HSD17B2: variants seen among roughly 807,000 people sequenced by gnomAD.
HSD17B2 encodes 17-beta-hydroxysteroid dehydrogenase type 2.
Under a neutral mutation model 26.9 loss-of-function variants are expected in HSD17B2, and 32 were observed. The observed-to-expected ratio is 1.19, with a 90% CI of 0.90 to 1.60. HSD17B2 has a LOEUF of 1.60. Ranked by LOEUF, HSD17B2 falls within the 40% of genes most tolerant of loss-of-function variation. The pLI is 0.00. For missense variants in HSD17B2, 613 were observed against 468.6 expected (o/e 1.31, Z -2.85); for synonymous variants, 246 against 186.7 (o/e 1.32, Z -2.59).
intron 3 of HSD17B2, among the ~76,000 whole-genome samples, chr16:82,086,700 A>G (rs1904536786): frequency 6.6e-6 from 1 of 152,224 alleles, no homozygotes; most frequent in Non-Finnish European, 1.5e-5. Flanking sequence ...TCTGTACATT[A>G]TTGATTAAGG....
chr16:82,073,755 T>C (rs1914750853), intron 3 of HSD17B2, among the ~76,000 whole-genome samples: 1 of 152,136 alleles, frequency 6.6e-6, no homozygotes, highest in African/African-American at 2.4e-5. Context: ...AGAATCAATA[T>C]AGTTAAAATG....
intron 3 of HSD17B2, among the ~76,000 whole-genome samples, chr16:82,073,300 C>G (rs1339182218): frequency 1.3e-5 from 2 of 151,902 alleles, no homozygotes; most frequent in African/African-American, 4.8e-5. Context: ...TCTCGGCTCA[C>G]TGCAAGCTCC....
chr16:82,036,593 G>C (rs1019596378), intron 1 of HSD17B2, among the ~76,000 whole-genome samples: 1 of 152,118 alleles, frequency 6.6e-6, no homozygotes, highest in South Asian at 2.1e-4. Flanking sequence ...TGGGGATGTG[G>C]TTGGGAGAAA....
intron 1 of HSD17B2, among the ~76,000 whole-genome samples, chr16:82,057,818 G>A (rs191784022): frequency 1.3e-5 from 2 of 152,238 alleles, no homozygotes; most frequent in Non-Finnish European, 2.9e-5. Context: ...TGAGCACTCC[G>A]TCAAACTATC....
chr16:82,043,914 C>T (rs920497981), intron 1 of HSD17B2, among the ~76,000 whole-genome samples: 1 of 152,064 alleles, frequency 6.6e-6, no homozygotes, highest in Non-Finnish European at 1.5e-5. Context: ...ACTATTCTTC[C>T]CTTGAAGTTA....
intron 1 of HSD17B2, among the ~76,000 whole-genome samples, chr16:82,055,828 G>A (rs558900865): frequency 1.4e-4 from 22 of 152,308 alleles, no homozygotes; most frequent in African/African-American, 5.3e-4. Context: ...ACAATGCTCT[G>A]GTGTGAGTGA....
intron 3 of HSD17B2, among the ~76,000 whole-genome samples, chr16:82,090,629 T>C (rs116384497): frequency 4.2e-4 from 64 of 152,178 alleles, no homozygotes; most frequent in African/African-American, 1.5e-3. Flanking sequence ...CTAAATTACA[T>C]TTTGCTTAGG....
chr16:82,075,585 T>C (rs1157688954), intron 3 of HSD17B2, among the ~76,000 whole-genome samples: 6 of 151,926 alleles, frequency 3.9e-5, no homozygotes, highest in Non-Finnish European at 8.8e-5. Flanking sequence ...CTACTATGAG[T>C]AACTAAGTAT....
chr16:82,059,239 C>T (rs1914363167), intron 1 of HSD17B2, among the ~76,000 whole-genome samples: 1 of 152,200 alleles, frequency 6.6e-6, no homozygotes, highest in African/African-American at 2.4e-5. Flanking sequence ...GTTTCTCAGC[C>T]TTGGCACTGT....
chr16:82,051,341 C>T (rs1434906956), intron 1 of HSD17B2, among the ~76,000 whole-genome samples: 6 of 152,322 alleles, frequency 3.9e-5, no homozygotes, highest in East Asian at 3.8e-4. Context: ...AGTGCCTTCC[C>T]GCCAGGGTTA....
intron 3 of HSD17B2, among the ~76,000 whole-genome samples, chr16:82,083,339 G>C (rs192629208): frequency 1.3e-5 from 2 of 152,072 alleles, no homozygotes; most frequent in Admixed American, 6.6e-5. Flanking sequence ...ACATCATGTA[G>C]GAATACAGGT....
At chr16:82,070,553 G>C (rs960672807) in intron 2 of HSD17B2, among the ~76,000 whole-genome samples, 2 of 152,238 alleles carry the variant, frequency 1.3e-5, no homozygotes, top group Admixed American at 1.3e-4. Context: ...GCATGCCCGT[G>C]ATGGGGAATT....
intron 3 of HSD17B2, among the ~76,000 whole-genome samples, chr16:82,081,136 G>A (rs2966244): frequency 0.1 from 15,480 of 152,016 alleles, 1,522 homozygotes; most frequent in Admixed American, 0.23. Flanking sequence ...AATAAACTAA[G>A]CACTTCCATT....
chr16:82,065,486 C>T (rs1179967550), intron 1 of HSD17B2, among the ~76,000 whole-genome samples: 2 of 151,856 alleles, frequency 1.3e-5, no homozygotes, highest in South Asian at 2.1e-4. Flanking sequence ...AAATCCATGG[C>T]CCCCATATAT....
chr16:82,087,540 G>C (rs1366474133), intron 3 of HSD17B2, among the ~76,000 whole-genome samples: 2 of 152,170 alleles, frequency 1.3e-5, no homozygotes, highest in African/African-American at 4.8e-5. Context: ...AGTTCTTGCA[G>C]GGTTCAAATT....
Position 82,071,130 on chromosome 16 carries a change from G to A in HSD17B2, c.664+3G>A. On this transcript the variant is annotated splice_donor_region_variant and intron_variant, in intron 3 of 4. Coordinates refer to ENST00000199936, the MANE Select transcript of HSD17B2 (RefSeq NM_002153.3). The stretch of plus-strand genomic sequence containing the variant: ...GGTGAATGTCAGCAGCATGGGAGGT[G>A]AGTCAGCATTTTCACACATGGTCAT... The A allele has an allele frequency of 6.2e-7, 1 of 1,614,068 alleles. No individual in the cohort carries two copies. The highest frequency in any genetic ancestry group is 8.5e-7 in the Non-Finnish European group (1 of 1,179,944).
At chr16:82,072,474 C>T (rs8191177) in intron 3 of HSD17B2, among the ~76,000 whole-genome samples, 1,815 of 152,322 alleles carry the variant, frequency 0.012, 48 homozygotes, top group African/African-American at 0.042. Context: ...CTGGGAACGT[C>T]TCACAGACTC....
At position 82,035,660 on chromosome 16, in the gene HSD17B2, C is replaced by A. The variant is rs144828304; in HGVS notation, c.236C>A (p.Pro79His). 31 of 1,613,808 alleles carry A rather than the reference C, an allele frequency of 1.9e-5. No individual in the cohort carries two copies. Among genetic ancestry groups the A allele is most frequent in the African/African-American group, 2.7e-5 (2 of 74,908 alleles). Residue 79 changes from proline (P) to histidine (H), a missense_variant, in exon 1 of 5, where the codon CCT becomes CAT. Physicochemically the swap from Pro to His is moderately conservative, Grantham distance 77. Coordinates refer to ENST00000199936, the MANE Select transcript of HSD17B2 (RefSeq NM_002153.3). ...YTYLSGQELL[P>H]VDQKAVLVTG... is the part of the protein sequence containing the mutation. ...TACTTATCTGGCCAAGAATTGTTAC[C>A]TGTGGATCAGAAGGCAGTCCTGGTG... is the stretch of plus-strand genomic sequence containing the variant.
intron 1 of HSD17B2, among the ~76,000 whole-genome samples, chr16:82,041,532 C>G (rs1430326923): frequency 1.3e-5 from 2 of 152,244 alleles, no homozygotes; most frequent in Non-Finnish European, 2.9e-5. Flanking sequence ...GGATGTGGCA[C>G]AAATAGAACA....
Sources: allele counts gnomAD v4.1 joint callset (sites outside exome capture counted in the v4.1 genomes callset), GRCh38; gene constraint gnomAD v4.1.1; transcripts MANE v1.5; gene names NCBI Gene and HGNC (gene_info 2026-07-23, HGNC 2026-07-21).